Variants in GADL1 observed in about 807,000 individuals in gnomAD.
GADL1 encodes acidic amino acid decarboxylase GADL1.
GADL1 carries 71 observed loss-of-function variants against 69.5 expected under a neutral mutation model. The observed-to-expected ratio is 1.02, with a 90% confidence interval of 0.84 to 1.25. The LOEUF is 1.25. Ranked by LOEUF, GADL1 falls within the 50% of genes most tolerant of loss-of-function variation. GADL1 has a pLI of 0.00. For missense variants in GADL1, 737 were observed against 631.8 expected, an observed-to-expected ratio of 1.17 and a Z score of -1.79; for synonymous variants, 254 against 214.4, an observed-to-expected ratio of 1.18 and a Z score of -1.62.
At chr3:30,769,104 G>A (rs1205370713) in intron 14 of GADL1, among the ~76,000 whole-genome samples, 5 of 152,048 alleles carry the variant, frequency 3.3e-5, no homozygotes, top group African/African-American at 1.2e-4. Flanking sequence ...TCACAGTACT[G>A]TACTTTATTT....
At chr3:30,758,764 G>A (rs1696044383) in intron 14 of GADL1, among the ~76,000 whole-genome samples, 1 of 152,142 alleles carries the variant, frequency 6.6e-6, no homozygotes, top group East Asian at 1.9e-4. Context: ...TTTATTTATT[G>A]CCTCATAATG....
chr3:30,875,477 T>A (rs78490546), intron 1 of GADL1, among the ~76,000 whole-genome samples: 2 of 151,814 alleles, frequency 1.3e-5, no homozygotes, highest in Admixed American at 1.3e-4. Context: ...CAGACAAGAC[T>A]GTTCAGTTAT....
chr3:30,756,781 CCCTA>C (rs1425009338), intron 14 of GADL1, among the ~76,000 whole-genome samples: 2 of 152,188 alleles, frequency 1.3e-5, no homozygotes, highest in East Asian at 1.9e-4. Flanking sequence ...CAGCAGAGCT[CCCTA>C]CCTGACCCAT....
At chr3:30,781,636 A>G (rs1158172270) in intron 13 of GADL1, among the ~76,000 whole-genome samples, 1 of 152,216 alleles carries the variant, frequency 6.6e-6, no homozygotes, top group Non-Finnish European at 1.5e-5. Flanking sequence ...TTGGAGTTGC[A>G]AGGATGTGGC....
Position 30,854,694 on chromosome 3 carries a change from C to T in GADL1, c.428+5G>A. 6.6e-7 allele frequency: 1 copy of T among 1,524,008 alleles called. No homozygotes were observed. The highest frequency in any genetic ancestry group is 1.2e-5 in the South Asian group (1 of 83,064). 94.4% of individuals were successfully genotyped at this position (1,524,008 alleles called of 1,614,324 possible). Reference sequence around the variant, plus strand: ...GGTGTGAAATTTCTATAGCATGGCACTTACACACTTGGATTCAATGCTTCG... The same window carrying T: ...GGTGTGAAATTTCTATAGCATGGCATTTACACACTTGGATTCAATGCTTCG... On this transcript the variant is annotated splice_donor_5th_base_variant and intron_variant, in intron 4 of 14. Transcript: ENST00000282538.
intron 14 of GADL1, among the ~76,000 whole-genome samples, chr3:30,734,076 G>GT (rs1435548354): frequency 3.3e-5 from 5 of 152,150 alleles, no homozygotes; most frequent in African/African-American, 1.2e-4. Context: ...AGTTAGACAT[G>GT]TGAGAAAGCA....
chr3:30,806,543 G>A (rs1212280076), intron 11 of GADL1, among the ~76,000 whole-genome samples: 1 of 152,180 alleles, frequency 6.6e-6, no homozygotes, highest in Admixed American at 6.5e-5. Flanking sequence ...AAGCACTGGA[G>A]ATGTAATGGT....
At position 30,753,333 on chromosome 3, in the gene GADL1, T is replaced by A. The variant is rs115290621; in HGVS notation, c.1392+24846A>T. On this transcript the variant is annotated intron_variant, in intron 14 of 14. Coordinates refer to ENST00000282538, the MANE Select transcript of GADL1 (RefSeq NM_207359.3). Reference sequence around the variant, plus strand: ...AGAAATTCTTCCTCAAAACCATGTATTTTGAATTCTAGTTTCAAATATGTC... The same window carrying A: ...AGAAATTCTTCCTCAAAACCATGTAATTTGAATTCTAGTTTCAAATATGTC... Among the ~76,000 whole-genome samples the A allele has an allele frequency of 2.0e-3, 309 of 152,328 alleles. 1 individual carries two copies. Among genetic ancestry groups the A allele is most frequent in the African/African-American group, 7.3e-3 (303 of 41,574 alleles).
At chr3:30,749,041 C>A (rs1009398660) in intron 14 of GADL1, among the ~76,000 whole-genome samples, 5 of 152,198 alleles carry the variant, frequency 3.3e-5, no homozygotes, top group Admixed American at 3.3e-4. Flanking sequence ...ATTATCAATT[C>A]CCGAATCAAT....
intron 1 of GADL1, among the ~76,000 whole-genome samples, chr3:30,865,691 T>C (rs1194733225): frequency 6.6e-6 from 1 of 151,670 alleles, no homozygotes. Flanking sequence ...CAAACCTGGG[T>C]TTCTGTTCTC....
At chr3:30,794,205 T>A (rs1696980187) in intron 12 of GADL1, among the ~76,000 whole-genome samples, 1 of 152,162 alleles carries the variant, frequency 6.6e-6, no homozygotes, top group South Asian at 2.1e-4. Flanking sequence ...GATTTCCATT[T>A]GAGAGATTGC....
chr3:30,797,130 T>G (rs888503560), intron 12 of GADL1, among the ~76,000 whole-genome samples: 1 of 152,196 alleles, frequency 6.6e-6, no homozygotes, highest in Admixed American at 6.5e-5. Flanking sequence ...TTTGCCTTCT[T>G]GGCCTTCTGT....
intron 14 of GADL1, among the ~76,000 whole-genome samples, chr3:30,740,435 T>A (rs1695600373): frequency 4.6e-5 from 7 of 152,182 alleles, no homozygotes; most frequent in Admixed American, 4.6e-4. Flanking sequence ...GAGAAACATG[T>A]GGCTCTGCTG....
At chr3:30,760,056 C>G (rs1350334363) in intron 14 of GADL1, among the ~76,000 whole-genome samples, 1 of 152,196 alleles carries the variant, frequency 6.6e-6, no homozygotes, top group Non-Finnish European at 1.5e-5. Flanking sequence ...TGCTTATTGT[C>G]TCATATCACT....
chr3:30,801,058 C>T lies in GADL1; in HGVS notation c.1081G>A (p.Ala361Thr), dbSNP rs757167467. The T allele has an allele frequency of 1.9e-6, 3 of 1,613,622 alleles. No individual in the cohort carries two copies. The highest frequency in any genetic ancestry group is 2.5e-6 in the Non-Finnish European group (3 of 1,179,780). Residue 361 changes from alanine (A) to threonine (T), a missense_variant, in exon 12 of 15, where the codon GCA becomes ACA. Physicochemically the swap from Ala to Thr is moderately conservative, Grantham distance 58. Coordinates refer to ENST00000282538, the MANE Select transcript of GADL1 (RefSeq NM_207359.3). ...TTATCCTGCTGGAAGAGGTAAGATG[C>T]CTTGGCAGAGTAGCATTTTTTAAGA... ...DLLKKCYSAK[A>T]SYLFQQDKFY...
At chr3:30,805,985 T>C (rs1411794803) in intron 11 of GADL1, among the ~76,000 whole-genome samples, 3 of 151,936 alleles carry the variant, frequency 2.0e-5, no homozygotes, top group Non-Finnish European at 2.9e-5. Context: ...CAGGTGGTAA[T>C]GCTTGCTCAC....
chr3:30,783,818 A>G (rs1174326589), intron 13 of GADL1, among the ~76,000 whole-genome samples: 3 of 152,206 alleles, frequency 2.0e-5, no homozygotes, highest in African/African-American at 7.2e-5. Context: ...TTGCAAGGAC[A>G]TGAGTGTTTG....
chr3:30,756,747 T>C (rs542993536), intron 14 of GADL1, among the ~76,000 whole-genome samples: 2 of 152,248 alleles, frequency 1.3e-5, no homozygotes, highest in East Asian at 3.9e-4. Flanking sequence ...TGTCCACCCT[T>C]CAGCAGCAAA....
intron 11 of GADL1, among the ~76,000 whole-genome samples, chr3:30,831,762 CTA>C (rs1347898345): frequency 3.3e-5 from 5 of 151,906 alleles, no homozygotes; most frequent in Non-Finnish European, 1.5e-5. Context: ...TTAGACATAA[CTA>C]TGTCATAGAA....
Sources: allele counts gnomAD v4.1 joint callset (sites outside exome capture counted in the v4.1 genomes callset), GRCh38; gene constraint gnomAD v4.1.1; transcripts MANE v1.5; gene names NCBI Gene and HGNC (gene_info 2026-07-23, HGNC 2026-07-21).